The following DLG5 variants were observed in gnomAD, a reference collection of about 807,000 sequenced individuals.
DLG5 encodes disks large homolog 5.
Under a neutral mutation model 189.8 loss-of-function variants are expected in DLG5, and 48 were observed. That is an observed-to-expected ratio of 0.25 (90% confidence interval 0.20 to 0.32). The LOEUF (loss-of-function observed/expected upper bound fraction) is 0.32. Among genes scored for constraint, DLG5 ranks in the 10% least tolerant of loss-of-function variants. The probability of loss-of-function intolerance (pLI) is 1.00; values close to 1 mark genes in which losing one functional copy is unlikely to be tolerated. For missense variants in DLG5, 2,160 were observed against 2,544.7 expected (o/e 0.85, Z 3.25); for synonymous variants, 1,016 against 1,054.1 (o/e 0.96, Z 0.70).
intron 7 of DLG5, among the ~76,000 whole-genome samples, chr10:77,836,692 C>T (rs557035459): frequency 1.3e-3 from 200 of 152,302 alleles, no homozygotes; most frequent in African/African-American, 4.7e-3. Flanking sequence ...TAATTCCCCT[C>T]ATCTCTGAAA....
At chr10:77,932,977 C>T in the DLG5 span, among the ~76,000 whole-genome samples, 1 of 152,326 alleles carries the variant, frequency 6.6e-6, no homozygotes, top group Non-Finnish European at 1.5e-5. Flanking sequence ...AAAGATGCCC[C>T]TGCTCAGAAA....
chr10:77,940,530 G>C, the DLG5 span, among the ~76,000 whole-genome samples: 1 of 152,140 alleles, frequency 6.6e-6, no homozygotes, highest in Non-Finnish European at 1.5e-5. Flanking sequence ...CCCACTCCCT[G>C]GGTCACCTCT....
intron 1 of DLG5, among the ~76,000 whole-genome samples, chr10:77,895,389 G>A (rs1368010160): frequency 2.0e-5 from 3 of 152,156 alleles, no homozygotes; most frequent in African/African-American, 7.2e-5. Context: ...GGAAAAGAGA[G>A]AAAAAGTTTC....
In DLG5 at chr10:77,812,116, C is replaced by T. The variant is rs566094341; in HGVS notation, c.4189-59G>A. On this transcript the variant is annotated intron_variant, in intron 21 of 31. Transcript: ENST00000372391. ...GTCGGGGCTGTGGACAGGGAGGAGGCCCTGGGGACTTGGGAGCACTGCTGT... is the reference window on the plus strand; with the variant it reads ...GTCGGGGCTGTGGACAGGGAGGAGGTCCTGGGGACTTGGGAGCACTGCTGT... 141 of 1,599,432 alleles carry T rather than the reference C, an allele frequency of 8.8e-5. No individual in the cohort carries two copies. The African/African-American group carries it at 1.7e-3, about 20-fold the overall frequency.
chr10:77,876,187 A>G (rs961507849), intron 1 of DLG5, among the ~76,000 whole-genome samples: 5 of 152,078 alleles, frequency 3.3e-5, no homozygotes, highest in Admixed American at 1.3e-4. Context: ...AAAAAAAATC[A>G]TAATGATGTG....
In DLG5 at chr10:77,811,965, G is replaced by A; in HGVS notation, c.4281C>T (p.Tyr1427=). 6 of 1,609,854 alleles carry A rather than the reference G, an allele frequency of 3.7e-6. No homozygotes were observed. Among genetic ancestry groups the A allele is most frequent in the Non-Finnish European group, 5.1e-6 (6 of 1,179,972 alleles). ...QCDTITILAQ[Y]NPHVHQLSSH... ...TGCTGAGCTGGTGCACGTGGGGGTT[G>A]TACTGGGCCAGGATGGTGATGGTAT... The change falls in exon 22 of 32, where the codon TAC becomes TAT. Residue 1427 remains tyrosine, a synonymous_variant. Coordinates refer to ENST00000372391, the MANE Select transcript of DLG5 (RefSeq NM_004747.4).
chr10:77,872,386 C>G (rs1329285954), intron 1 of DLG5, among the ~76,000 whole-genome samples: 1 of 152,192 alleles, frequency 6.6e-6, no homozygotes, highest in Non-Finnish European at 1.5e-5. Flanking sequence ...CCAAGCGACA[C>G]GTTCTGTTCC....
At chr10:77,886,472 A>ACCTC (rs1845444974) in intron 1 of DLG5, among the ~76,000 whole-genome samples, 1 of 151,212 alleles carries the variant, frequency 6.6e-6, no homozygotes, top group South Asian at 2.1e-4. Flanking sequence ...GTTCGCCTCA[A>ACCTC]CCTCCCGAGT....
rs142718990 is a variant in DLG5, at chr10:77,866,530, C to G, written c.373+2599G>C. Among the ~76,000 whole-genome samples the G allele has an allele frequency of 3.9e-5, 6 of 152,310 alleles. No individual in the cohort carries two copies. In the East Asian group the frequency reaches 1.2e-3, roughly 29 times the overall value. ...CGCCTTCTTCTTCTGCCACTCACCG[C>G]AGATGGCTACAGAGCACTTGAAATG... On this transcript the variant is annotated intron_variant, in intron 2 of 31. Coordinates refer to ENST00000372391, the MANE Select transcript of DLG5 (RefSeq NM_004747.4).
At chr10:77,881,298 C>T (rs1845274121) in intron 1 of DLG5, among the ~76,000 whole-genome samples, 1 of 152,100 alleles carries the variant, frequency 6.6e-6, no homozygotes, top group African/African-American at 2.4e-5. Context: ...CATCCCTCGC[C>T]CAGTGTCAAC....
chr10:77,838,537 G>A (rs1455128461), intron 7 of DLG5, among the ~76,000 whole-genome samples: 1 of 152,212 alleles, frequency 6.6e-6, no homozygotes, highest in Non-Finnish European at 1.5e-5. Context: ...GCCTCCCCAT[G>A]CTACCTCTTT....
intron 1 of DLG5, among the ~76,000 whole-genome samples, chr10:77,896,335 G>A (rs1845757475): frequency 6.6e-6 from 1 of 152,186 alleles, no homozygotes; most frequent in Admixed American, 6.5e-5. Context: ...GGCAATTAGA[G>A]AGATTTAAGA....
intron 5 of DLG5, chr10:77,846,731 A>G: frequency 2.2e-6 from 1 of 456,184 alleles, no homozygotes; most frequent in Non-Finnish European, 4.4e-6. Context: ...TTTACTGTCT[A>G]AACATCCCCT....
At chr10:77,863,461 T>A (rs1344053363) in intron 2 of DLG5, among the ~76,000 whole-genome samples, 3 of 152,168 alleles carry the variant, frequency 2.0e-5, no homozygotes, top group Non-Finnish European at 4.4e-5. Context: ...AGAGTGATGT[T>A]GACAGGTAAA....
chr10:77,940,558 C>A, the DLG5 span, among the ~76,000 whole-genome samples: 1 of 152,128 alleles, frequency 6.6e-6, no homozygotes, highest in Non-Finnish European at 1.5e-5. Context: ...GTTCAGCTGC[C>A]ACATAACCCA....
the DLG5 span, among the ~76,000 whole-genome samples, chr10:77,936,177 T>A: frequency 1.3e-5 from 2 of 152,142 alleles, no homozygotes; most frequent in African/African-American, 2.4e-5. Context: ...TGGTGGCTCA[T>A]GCCTGTAATC....
At chr10:77,822,499 C>T (rs1351013917) in intron 14 of DLG5, among the ~76,000 whole-genome samples, 1 of 152,000 alleles carries the variant, frequency 6.6e-6, no homozygotes, top group Non-Finnish European at 1.5e-5. Context: ...CAAAAATAAG[C>T]CAGGCACGGT....
chr10:77,866,953 C>A, intron 2 of DLG5: 1 of 456,956 alleles, frequency 2.2e-6, no homozygotes, highest in Non-Finnish European at 4.4e-6. Context: ...GGGATGCAAC[C>A]AGTTATTTCA....
intron 20 of DLG5, among the ~76,000 whole-genome samples, chr10:77,812,829 T>C (rs149380977): frequency 0.012 from 1,753 of 152,344 alleles, 13 homozygotes; most frequent in Non-Finnish European, 0.018. Flanking sequence ...CACAGAGTGA[T>C]GCAAACTGGT....
Sources: gnomAD v4.1 joint callset for allele counts (sites outside exome capture counted in the v4.1 genomes callset) on GRCh38, gnomAD v4.1.1 for gene constraint, MANE v1.5 for transcripts, NCBI Gene and HGNC (gene_info 2026-07-23, HGNC 2026-07-21) for gene names.